Variants in SGCG observed in about 807,000 individuals in gnomAD.
The protein encoded by SGCG is gamma-sarcoglycan.
A neutral mutation model predicts 29.3 loss-of-function variants in SGCG; 26 were observed. The ratio of observed to expected loss-of-function variants is 0.89; its 90% CI spans 0.65 to 1.23. The LOEUF is 1.23. Ranked by LOEUF, SGCG falls within the 50% of genes most tolerant of loss-of-function variation. The pLI is 0.00. For missense variants in SGCG, 353 were observed against 356.0 expected (o/e 0.99, Z 0.07); for synonymous variants, 145 against 129.7 (o/e 1.12, Z -0.80).
chr13:23,309,973 C>A lies in SGCG; in HGVS notation c.579-10664C>A, dbSNP rs79375847. Among the ~76,000 whole-genome samples the A allele has an allele frequency of 7.0e-3, 1,047 of 150,132 alleles. 14 individuals carry two copies. The highest frequency in any genetic ancestry group is 0.025 in the African/African-American group (1,012 of 40,810). ...AATGTTTATGCTAAAAGCATGTTATCTTTTGCTTTAATGCAAGGTTTGTAT... is the reference window on the plus strand; with the variant it reads ...AATGTTTATGCTAAAAGCATGTTATATTTTGCTTTAATGCAAGGTTTGTAT... On this transcript the variant is annotated intron_variant, in intron 6 of 7. Transcript: ENST00000218867.
Position 23,279,374 on chromosome 13 carries a change from A to C in SGCG, c.401A>C (p.Glu134Ala). The C allele has an allele frequency of 1.9e-6, 3 of 1,613,194 alleles. No homozygotes were observed. The highest frequency in any genetic ancestry group is 2.5e-6 in the Non-Finnish European group (3 of 1,179,404). The change falls in exon 5 of 8, where the codon GAA (glutamate) becomes GCA (alanine). Residue 134 changes from glutamate (E) to alanine (A), a missense_variant. Coordinates refer to ENST00000218867, the MANE Select transcript of SGCG (RefSeq NM_000231.3). ...AATTCTTCAGGTCCCAAAATGGTAG[A>C]AGTCCAGAATCAACAGTTTCAGATC... is the stretch of plus-strand genomic sequence containing the variant. ...GRLKVGPKMVEVQNQQFQINS... is the reference protein window; with the variant it reads ...GRLKVGPKMVAVQNQQFQINS...
At chr13:23,279,538 T>G (rs1157704666) in intron 5 of SGCG, 60 bp downstream of exon 5, 2 of 1,531,042 alleles carry the variant, frequency 1.3e-6, no homozygotes, top group Non-Finnish European at 1.8e-6. Context: ...CAAAAACACA[T>G]TGTACTATTG....
intron 2 of SGCG, among the ~76,000 whole-genome samples, chr13:23,229,844 A>G (rs561956858): frequency 6.6e-6 from 1 of 152,306 alleles, no homozygotes; most frequent in East Asian, 1.9e-4. Flanking sequence ...TGTTTTCATC[A>G]TGAAATTTTT....
At position 23,324,816 on chromosome 13, in the gene SGCG, T is replaced by A; in HGVS notation, c.*275T>A. The A allele has an allele frequency of 2.3e-6, 1 of 437,136 alleles. No individual in the cohort carries two copies. Among genetic ancestry groups the A allele is most frequent in the Non-Finnish European group, 4.3e-6 (1 of 233,388 alleles). 27.1% of individuals were successfully genotyped at this position (437,136 alleles called of 1,614,324 possible). A position where few individuals can be genotyped will look rare whatever the true frequency, so the allele number is the denominator to read the frequency against. On this transcript the variant is annotated 3_prime_UTR_variant, in exon 8 of 8. Coordinates refer to ENST00000218867, the MANE Select transcript of SGCG (RefSeq NM_000231.3). The stretch of plus-strand genomic sequence containing the variant: ...CACCGGAACAATTGCGAATTCTCTC[T>A]GCCTCGCCTCCCCCTATCTTGTCCG...
At chr13:23,282,429 C>G (rs1261267279) in intron 5 of SGCG, among the ~76,000 whole-genome samples, 1 of 152,128 alleles carries the variant, frequency 6.6e-6, no homozygotes, top group Non-Finnish European at 1.5e-5. Context: ...TATTTCATCA[C>G]CCAGGTATTA....
At chr13:23,290,160 A>G (rs1361942834) in intron 5 of SGCG, among the ~76,000 whole-genome samples, 1 of 152,146 alleles carries the variant, frequency 6.6e-6, no homozygotes, top group African/African-American at 2.4e-5. Flanking sequence ...GGAGGAGGAG[A>G]ATTCATTTGC....
At chr13:23,168,371 A>G in the SGCG span, among the ~76,000 whole-genome samples, 1 of 152,172 alleles carries the variant, frequency 6.6e-6, no homozygotes, top group East Asian at 1.9e-4. Flanking sequence ...TCCCTAAACT[A>G]TAATATAAGC....
chr13:23,302,215 A>G (rs1024927119), intron 6 of SGCG, among the ~76,000 whole-genome samples: 1 of 151,576 alleles, frequency 6.6e-6, no homozygotes, highest in African/African-American at 2.4e-5. Flanking sequence ...TTAGTGATTG[A>G]CAGTATTTCA....
rs561941107 is a variant in SGCG at position 23,271,924 on chromosome 13, T to C, written c.386-7435T>C. On this transcript the variant is annotated intron_variant, in intron 4 of 7. Transcript: ENST00000218867. ...AAATTTTTAATCATCTTTGTTGTTA[T>C]TGTAAATGGCACTTTCTCCACTATT... Among the ~76,000 whole-genome samples, 4 of 152,356 alleles carry C rather than the reference T, an allele frequency of 2.6e-5. No individual in the cohort carries two copies. The South Asian group carries it at 6.2e-4, about 24-fold the overall frequency.
intron 4 of SGCG, among the ~76,000 whole-genome samples, chr13:23,270,190 A>G (rs1880817597): frequency 6.6e-6 from 1 of 152,090 alleles, no homozygotes; most frequent in Non-Finnish European, 1.5e-5. Flanking sequence ...GTTTTCTTGG[A>G]GGTATATCCT....
chr13:23,279,031 A>G (rs1163512761), intron 4 of SGCG, among the ~76,000 whole-genome samples: 4 of 152,248 alleles, frequency 2.6e-5, no homozygotes, highest in African/African-American at 4.8e-5. Flanking sequence ...GTTAATAACC[A>G]AAAGAATACA....
chr13:23,301,608 C>T (rs764607334), intron 6 of SGCG, among the ~76,000 whole-genome samples: 2 of 152,172 alleles, frequency 1.3e-5, no homozygotes, highest in Non-Finnish European at 2.9e-5. Flanking sequence ...TCAATGGGGT[C>T]CGGCGCGGTG....
chr13:23,276,071 T>C (rs1227611627), intron 4 of SGCG, among the ~76,000 whole-genome samples: 2 of 152,172 alleles, frequency 1.3e-5, no homozygotes, highest in African/African-American at 2.4e-5. Context: ...AAAATGGTGC[T>C]GTACAGATAG....
At chr13:23,241,596 G>A (rs940068225) in intron 3 of SGCG, among the ~76,000 whole-genome samples, 5 of 152,128 alleles carry the variant, frequency 3.3e-5, no homozygotes, top group African/African-American at 1.2e-4. Context: ...TTGAAGCAGA[G>A]GAGATTCTTC....
intron 6 of SGCG, among the ~76,000 whole-genome samples, chr13:23,303,061 G>A (rs973013318): frequency 3.3e-5 from 5 of 152,270 alleles, no homozygotes; most frequent in South Asian, 4.1e-4. Context: ...TGATTACCTC[G>A]TAATCACTGT....
At chr13:23,284,895 A>T (rs1593219556) in intron 5 of SGCG, among the ~76,000 whole-genome samples, 1 of 152,216 alleles carries the variant, frequency 6.6e-6, no homozygotes, top group South Asian at 2.1e-4. Context: ...AGTTTGCTGG[A>T]CGTCCACTCC....
At chr13:23,273,769 A>G (rs1184867061) in intron 4 of SGCG, among the ~76,000 whole-genome samples, 1 of 152,090 alleles carries the variant, frequency 6.6e-6, no homozygotes, top group East Asian at 1.9e-4. Flanking sequence ...AAAGTCATTG[A>G]TGTTTGTTTA....
intron 5 of SGCG, among the ~76,000 whole-genome samples, chr13:23,283,684 T>G (rs1054515936): frequency 1.4e-4 from 21 of 152,224 alleles, no homozygotes; most frequent in African/African-American, 5.1e-4. Flanking sequence ...TTTTACCCAT[T>G]AGTTGATGCA....
At chr13:23,308,750 G>A (rs1219716546) in intron 6 of SGCG, among the ~76,000 whole-genome samples, 2 of 152,058 alleles carry the variant, frequency 1.3e-5, no homozygotes, top group Non-Finnish European at 2.9e-5. Flanking sequence ...TTTTTGTAGA[G>A]ACGCGGTTTC....
Sources: allele counts gnomAD v4.1 joint callset (sites outside exome capture counted in the v4.1 genomes callset), GRCh38; gene constraint gnomAD v4.1.1; transcripts MANE v1.5; gene names NCBI Gene and HGNC (gene_info 2026-07-23, HGNC 2026-07-21).